NKPD1: variants seen among roughly 807,000 people sequenced by gnomAD.
NKPD1 encodes the protein NTPase KAP family P-loop domain-containing protein 1.
A neutral mutation model predicts 42.2 loss-of-function variants in NKPD1; 37 were observed. The observed-to-expected ratio is 0.88, with a 90% CI of 0.67 to 1.15. NKPD1 has a LOEUF of 1.15. NKPD1 is among the 50% of genes most tolerant of loss of function. The pLI, the probability that NKPD1 is intolerant of heterozygous loss-of-function variation, is 0.00. For missense variants in NKPD1, 1,113 were observed against 1,174.6 expected, an observed-to-expected ratio of 0.95 and a Z score of 0.77; for synonymous variants, 552 against 536.5, an observed-to-expected ratio of 1.03 and a Z score of -0.40.
At position 45,158,552 on chromosome 19, in the gene NKPD1, G is replaced by T; in HGVS notation, c.529+111C>A. ...GCACCCCTCCTAGATAGGGAACAGG[G>T]TGTGGATGAAGAGGGCAGGTGCAAG... On this transcript the variant is annotated intron_variant, in intron 3 of 4. Transcript: ENST00000686631. The surrounding 1 kb of genome is among the most constrained non-coding windows in gnomAD (Gnocchi z 4.6). 4 of 1,100,120 alleles carry T rather than the reference G, an allele frequency of 3.6e-6. No individual in the cohort carries two copies. The highest frequency in any genetic ancestry group is 4.5e-6 in the Non-Finnish European group (4 of 894,424). 68.1% of individuals were successfully genotyped at this position (1,100,120 alleles called of 1,614,324 possible).
upstream of NKPD1, among the ~76,000 whole-genome samples, chr19:45,162,758 C>T (rs766588126): frequency 3.9e-5 from 6 of 152,056 alleles, no homozygotes; most frequent in African/African-American, 9.7e-5. Context: ...CCAGTAAGGC[C>T]GCCCATGCCG....
At position 45,151,782 on chromosome 19, in the gene NKPD1, G is replaced by T. The variant is rs908728035; in HGVS notation, c.*156C>A. 2.6e-5 allele frequency: 20 copies of T among 762,900 alleles called. No individual in the cohort carries two copies. Among genetic ancestry groups the T allele is most frequent in the Non-Finnish European group, 3.7e-5 (19 of 510,280 alleles). The allele number at this position is 762,900 out of a possible 1,614,324, so 47.3% of individuals were successfully genotyped here. A position where few individuals can be genotyped will look rare whatever the true frequency, so the allele number is the denominator to read the frequency against. On this transcript the variant is annotated 3_prime_UTR_variant, in exon 5 of 5. Coordinates refer to ENST00000686631, the MANE Select transcript of NKPD1 (RefSeq NM_198478.4). ...CACCGGCTTGTGGCCGCACTCCTTG[G>T]AAGCTATGTCCACGGCTCTGGCTCA...
At chr19:45,155,969 C>T in intron 3 of NKPD1, 53 bp from the exon 4 acceptor site, 1 of 1,279,772 alleles carries the variant, frequency 7.8e-7, no homozygotes, top group Non-Finnish European at 1.0e-6. Flanking sequence ...AGGCACCACC[C>T]TCCTCCCATC....
chr19:45,153,224 C>T lies in NKPD1; in HGVS notation c.1213G>A (p.Val405Ile), dbSNP rs1265546242. The change falls in exon 5 of 5, where the codon GTA (valine) becomes ATA (isoleucine). Residue 405 changes from valine (V) to isoleucine (I), a missense_variant. Physicochemically the swap from Val to Ile is conservative, Grantham distance 29. Around this residue, in one of 3 missense-constraint regions of NKPD1, gnomAD observed 867 missense variants for 870.1 expected, o/e 1.00. Coordinates refer to ENST00000686631, the MANE Select transcript of NKPD1 (RefSeq NM_198478.4). ...CGCTCGATCTTCTTGCGCTGGCTTA[C>T]GAACAGGTGCTTGCCCACCGAGTAC... ...AVYSVGKHLF[V>I]SQRKKIERLV... is the part of the protein sequence containing the mutation. The T allele has an allele frequency of 6.3e-7, 1 of 1,599,164 alleles. No homozygotes were observed. Among genetic ancestry groups the T allele is most frequent in the East Asian group, 2.3e-5 (1 of 44,114 alleles).
chr19:45,152,392 C>A lies in NKPD1; in HGVS notation c.2045G>T (p.Gly682Val). Residue 682 changes from glycine (G) to valine (V), a missense_variant, in exon 5 of 5, where the codon GGC becomes GTC. By Grantham distance (109) the Gly-to-Val change is moderately radical. Around this residue, in one of 3 missense-constraint regions of NKPD1, gnomAD observed 867 missense variants for 870.1 expected, o/e 1.00. Coordinates refer to ENST00000686631, the MANE Select transcript of NKPD1 (RefSeq NM_198478.4). ...QCLEDRQQTGGAPEGRARLWD... is the reference protein window; with the variant it reads ...QCLEDRQQTGVAPEGRARLWD... The stretch of plus-strand genomic sequence containing the variant: ...GAGGCGCGCGCGGCCCTCGGGCGCG[C>A]CCCCGGTCTGCTGCCGGTCCTCCAG... 6.3e-7 allele frequency: 1 copy of A among 1,577,228 alleles called. No homozygotes were observed. The highest frequency in any genetic ancestry group is 8.6e-7 in the Non-Finnish European group (1 of 1,163,208).
rs1280498653 is a variant in NKPD1 at position 45,153,165 on chromosome 19, C to G, written c.1272G>C (p.Leu424=). 6.3e-7 allele frequency: 1 copy of G among 1,580,346 alleles called. No homozygotes were observed. The highest frequency in any genetic ancestry group is 8.6e-7 in the Non-Finnish European group (1 of 1,164,084). The change falls in exon 5 of 5, where the codon CTG becomes CTC. Residue 424 remains leucine (L), a synonymous_variant. Transcript: ENST00000686631. Reference sequence around the variant, plus strand: ...CCTTCTTCACCTCGCACATGAAACCCAGCTGGCTGCCGAACTTTTCACGCG... The same window carrying G: ...CCTTCTTCACCTCGCACATGAAACCGAGCTGGCTGCCGAACTTTTCACGCG... The part of the protein sequence containing the change: ...LVSREKFGSQ[L]GFMCEVKKEV...
At chr19:45,159,298 G>C (rs542508160) in intron 2 of NKPD1, among the ~76,000 whole-genome samples, 198 bp from the exon 3 acceptor site, 2 of 152,322 alleles carry the variant, frequency 1.3e-5, no homozygotes, top group South Asian at 2.1e-4. Context: ...GTCCCATGGC[G>C]GGGGAGCAGG....
At position 45,160,144 on chromosome 19, in the gene NKPD1, T is replaced by C. The variant is rs373327926; in HGVS notation, c.7A>G (p.Lys3Glu). The change falls in exon 2 of 5, where the codon AAA (lysine) becomes GAA (glutamate). Residue 3 changes from lysine (K) to glutamate (E), a missense_variant. By Grantham distance (56) the Lys-to-Glu change is moderately conservative. Around this residue, in one of 3 missense-constraint regions of NKPD1, gnomAD observed 204 missense variants for 227.8 expected, o/e 0.90. Transcript: ENST00000686631. ...TTGGCGAAGTGGACTTTGTAATGTT[T>C]GTGCATGGCAGCCGGGCAGCTGGGT... MH[K>E]HYKVHFAKDA... 6 of 1,304,584 alleles carry C rather than the reference T, an allele frequency of 4.6e-6. No homozygotes were observed. The African/African-American group carries it at 9.1e-5, about 20-fold the overall frequency. The allele number at this position is 1,304,584 out of a possible 1,614,324, so 80.8% of individuals were successfully genotyped here.
intron 4 of NKPD1, chr19:45,154,002 G>T (rs1342451060): frequency 1.1e-5 from 5 of 444,556 alleles, no homozygotes; most frequent in Non-Finnish European, 1.9e-5. Context: ...TGAAGGCCAG[G>T]CTGTGGGGTC....
intron 4 of NKPD1, 106 bp from the exon 5 acceptor site, chr19:45,153,881 G>A: frequency 8.5e-7 from 1 of 1,172,188 alleles, no homozygotes. Flanking sequence ...GGGGCGCCCA[G>A]CAGAGGCGAG....
chr19:45,153,700 C>G lies in NKPD1; in HGVS notation c.737G>C (p.Ser246Thr), dbSNP rs1036141176. Residue 246 changes from serine (S) to threonine (T), a missense_variant, in exon 5 of 5, where the codon AGC (serine) becomes ACC (threonine). Ser to Thr is a moderately conservative substitution (Grantham distance 58). Around this residue, in one of 3 missense-constraint regions of NKPD1, gnomAD observed 867 missense variants for 870.1 expected, o/e 1.00. Coordinates refer to ENST00000686631, the MANE Select transcript of NKPD1 (RefSeq NM_198478.4). ...CAGTAGCTGCGGGACGCCCCAGCCG[C>G]TCACGGCACGCGGCCGCCACTGCAC... is the stretch of plus-strand genomic sequence containing the variant. ...QHVQWRPRAV[S>T]GWGVPQLLWY... 2.6e-6 allele frequency: 4 copies of G among 1,543,114 alleles called. No individual in the cohort carries two copies. The highest frequency in any genetic ancestry group is 3.5e-6 in the Non-Finnish European group (4 of 1,141,338).
At chr19:45,161,208 A>G (rs888310542), upstream of NKPD1, among the ~76,000 whole-genome samples, 4 of 152,130 alleles carry the variant, frequency 2.6e-5, no homozygotes, top group African/African-American at 9.7e-5. Context: ...CCACAGGCCC[A>G]GGCACTTCTG....
upstream of NKPD1, among the ~76,000 whole-genome samples, chr19:45,162,056 G>A (rs535038499): frequency 1.6e-4 from 25 of 152,270 alleles, no homozygotes; most frequent in East Asian, 5.8e-4. Context: ...CCAGGGAGGC[G>A]GGGCTGGCAT....
At position 45,158,796 on chromosome 19, in the gene NKPD1, C is replaced by T. The variant is rs573841874; in HGVS notation, c.396G>A (p.Thr132=). The change falls in exon 3 of 5, where the codon ACG becomes ACA. Residue 132 remains threonine, a synonymous_variant. Coordinates refer to ENST00000686631, the MANE Select transcript of NKPD1 (RefSeq NM_198478.4). This position sits in a 1 kb window ranked among gnomAD's most constrained non-coding sequence, Gnocchi z 4.6. ...SAPQAPTLPT[T]APAMARSGPA... ...GGCCACTCCTGGCCATGGCTGGTGC[C>T]GTGGTGGGTAAGGTGGGCGCCTGAG... The T allele has an allele frequency of 4.0e-6, 5 of 1,258,984 alleles. No individual in the cohort carries two copies. The highest frequency in any genetic ancestry group is 1.6e-5 in the African/African-American group (1 of 63,908). 78.0% of individuals were successfully genotyped at this position (1,258,984 alleles called of 1,614,324 possible).
At position 45,152,437 on chromosome 19, in the gene NKPD1, A is replaced by G. The variant is rs1968804427; in HGVS notation, c.2000T>C (p.Leu667Pro). ...CTCCAGGCACTGCAGCGCCCAGCTC[A>G]GGCGGCACGGCCACTGGTTGGCGAG... Reference protein sequence around the residue: ...VVLANQWPCRLSWALQCLEDR... With the variant: ...VVLANQWPCRPSWALQCLEDR... Residue 667 changes from leucine (L) to proline (P), a missense_variant, in exon 5 of 5, where the codon CTG becomes CCG. By Grantham distance (98) the Leu-to-Pro change is moderately conservative. Around this residue, in one of 3 missense-constraint regions of NKPD1, gnomAD observed 867 missense variants for 870.1 expected, o/e 1.00. Coordinates refer to ENST00000686631, the MANE Select transcript of NKPD1 (RefSeq NM_198478.4). The G allele has an allele frequency of 1.3e-6, 2 of 1,561,046 alleles. No individual in the cohort carries two copies. Among genetic ancestry groups the G allele is most frequent in the Non-Finnish European group, 1.7e-6 (2 of 1,156,940 alleles).
chr19:45,160,127 G>A lies in NKPD1; in HGVS notation c.24C>T (p.His8=). MHKHYKV[H]FAKDAQSPNG... is the part of the protein sequence containing the mutation. The stretch of plus-strand genomic sequence containing the variant: ...TGGGGCTCTGGGCATCCTTGGCGAA[G>A]TGGACTTTGTAATGTTTGTGCATGG... The change falls in exon 2 of 5, where the codon CAC becomes CAT. Residue 8 remains histidine (H), a synonymous_variant. Transcript: ENST00000686631. 7.7e-7 allele frequency: 1 copy of A among 1,305,102 alleles called. No homozygotes were observed. The highest frequency in any genetic ancestry group is 1.0e-6 in the Non-Finnish European group (1 of 988,782). 80.8% of individuals were successfully genotyped at this position (1,305,102 alleles called of 1,614,324 possible). A position where few individuals can be genotyped will look rare whatever the true frequency, so the allele number is the denominator to read the frequency against.
chr19:45,162,551 C>T (rs1444976547), upstream of NKPD1, among the ~76,000 whole-genome samples: 2 of 152,198 alleles, frequency 1.3e-5, no homozygotes, highest in East Asian at 3.9e-4. Flanking sequence ...GGACGGGCAG[C>T]AGGAGTGCGT....
rs1486389462 is a variant in NKPD1 at position 45,160,184 on chromosome 19, C to G, written c.-34G>C. 4 of 1,252,916 alleles carry G rather than the reference C, an allele frequency of 3.2e-6. No homozygotes were observed. The highest frequency in any genetic ancestry group is 4.2e-6 in the Non-Finnish European group (4 of 942,670). The allele number at this position is 1,252,916 out of a possible 1,614,324, so 77.6% of individuals were successfully genotyped here. On this transcript the variant is annotated 5_prime_UTR_variant, in exon 2 of 5. Coordinates refer to ENST00000686631, the MANE Select transcript of NKPD1 (RefSeq NM_198478.4). ...GGCAGCTGGGTGCTGGGGGCCTGCT[C>G]CTGAGGCAGGAGGGAGCACACAGGC... is the stretch of plus-strand genomic sequence containing the variant.
Position 45,152,676 on chromosome 19 carries a change from GC to G in NKPD1, c.1760del (p.Gly587AlafsTer81). On this transcript the variant is annotated frameshift_variant, in exon 5 of 5. Coordinates refer to ENST00000686631, the MANE Select transcript of NKPD1 (RefSeq NM_198478.4). LOFTEE classifies it low-confidence loss of function (END_TRUNC). ...GCCGCGCCGCCTCGTCGTCGATGCGGCCCTGCCCGCGCTCCGTCCCCGCCTG... is the reference window on the plus strand; with the variant it reads ...GCCGCGCCGCCTCGTCGTCGATGCGGCCTGCCCGCGCTCCGTCCCCGCCTG... ...QAQAGTERGQGRIDDEAARRI... is the reference protein window; with the variant it reads ...QAQAGTERGQXRIDDEAARRI... The G allele has an allele frequency of 6.5e-7, 1 of 1,543,026 alleles. No homozygotes were observed. The highest frequency in any genetic ancestry group is 8.7e-7 in the Non-Finnish European group (1 of 1,150,628).
Sources: gnomAD v4.1 joint callset for allele counts (sites outside exome capture counted in the v4.1 genomes callset) on GRCh38, gnomAD v4.1.1 for gene constraint, gnomAD v4.1.1 regional missense constraint, Gnocchi (gnomAD v3.1) non-coding constraint, MANE v1.5 for transcripts, NCBI Gene and HGNC (gene_info 2026-07-23, HGNC 2026-07-21) for gene names.